GRID2: variants seen among roughly 807,000 people sequenced by gnomAD.
GRID2 encodes glutamate receptor ionotropic, delta-2.
In GRID2, 33 loss-of-function variants were observed where a neutral mutation model predicts 114.8. The observed-to-expected ratio is 0.29, with a 90% confidence interval of 0.22 to 0.38. The LOEUF (loss-of-function observed/expected upper bound fraction) is 0.38, where lower values mean the gene tolerates loss of function less well. Among genes scored for constraint, GRID2 ranks in the 10% least tolerant of loss-of-function variants. GRID2 has a pLI of 1.00. For missense variants in GRID2, 1,184 were observed against 1,257.7 expected, an observed-to-expected ratio of 0.94 and a Z score of 0.89; for synonymous variants, 505 against 449.9, an observed-to-expected ratio of 1.12 and a Z score of -1.55.
intron 13 of GRID2, among the ~76,000 whole-genome samples, chr4:93,550,337 T>G (rs1324526634): frequency 2.0e-5 from 3 of 152,190 alleles, no homozygotes; most frequent in Admixed American, 2.0e-4. Context: ...AGTTTAATAA[T>G]CTGGTAGATC....
intron 2 of GRID2, among the ~76,000 whole-genome samples, chr4:92,952,107 T>A (rs1360757980): frequency 6.6e-6 from 1 of 152,192 alleles, no homozygotes; most frequent in East Asian, 1.9e-4. Flanking sequence ...AATGCATTCA[T>A]ATTTTGCCAA....
intron 2 of GRID2, among the ~76,000 whole-genome samples, chr4:92,842,006 T>C (rs1742933674): frequency 6.6e-6 from 1 of 152,124 alleles, no homozygotes; most frequent in Non-Finnish European, 1.5e-5. Context: ...CTGGAGAAGT[T>C]ACTACCAAAT....
At chr4:92,623,393 A>C (rs1338953763) in intron 2 of GRID2, among the ~76,000 whole-genome samples, 2 of 151,646 alleles carry the variant, frequency 1.3e-5, no homozygotes, top group Non-Finnish European at 3.0e-5. Flanking sequence ...ACCATCAAAA[A>C]AATCACTCTC....
chr4:92,784,013 T>A (rs1242761175), intron 2 of GRID2, among the ~76,000 whole-genome samples: 1 of 152,086 alleles, frequency 6.6e-6, no homozygotes, highest in Non-Finnish European at 1.5e-5. Context: ...TCCTTTCATA[T>A]GTTCTTAATA....
intron 14 of GRID2, among the ~76,000 whole-genome samples, chr4:93,678,587 A>G (rs1286345344): frequency 1.3e-5 from 2 of 152,194 alleles, no homozygotes; most frequent in Non-Finnish European, 2.9e-5. Flanking sequence ...TCTCAGCAGA[A>G]ACTCTACAAG....
chr4:92,543,864 C>T (rs887665605), intron 1 of GRID2, among the ~76,000 whole-genome samples: 1 of 152,116 alleles, frequency 6.6e-6, no homozygotes, highest in Non-Finnish European at 1.5e-5. Flanking sequence ...CAGTTATTAT[C>T]AGAGGGAAGC....
At chr4:92,416,128 G>T (rs1258146781) in intron 1 of GRID2, among the ~76,000 whole-genome samples, 1 of 151,826 alleles carries the variant, frequency 6.6e-6, no homozygotes, top group Non-Finnish European at 1.5e-5. Flanking sequence ...TCTCATTGCG[G>T]TTTTAATTTA....
intron 2 of GRID2, among the ~76,000 whole-genome samples, chr4:93,047,878 AC>A (rs1295012774): frequency 2.1e-5 from 3 of 145,362 alleles, no homozygotes; most frequent in African/African-American, 8.1e-5. Context: ...AAACAAACAA[AC>A]AAACAAAAAA....
intron 4 of GRID2, among the ~76,000 whole-genome samples, chr4:93,128,674 GA>G (rs879558667): frequency 3.1e-4 from 47 of 149,464 alleles, no homozygotes; most frequent in Middle Eastern, 3.4e-3. Context: ...GGAAACTTGG[GA>G]AACCTGAGGT....
chr4:92,395,509 A>C (rs1196923333), intron 1 of GRID2, among the ~76,000 whole-genome samples: 4 of 151,778 alleles, frequency 2.6e-5, no homozygotes, highest in Non-Finnish European at 5.9e-5. Flanking sequence ...TGGTTTATAT[A>C]AGAGCACCAA....
rs556775278 is a variant in GRID2 at position 92,592,222 on chromosome 4, G to A, written c.244+1936G>A. Among the ~76,000 whole-genome samples, 76 of 152,008 alleles carry A rather than the reference G, an allele frequency of 5.0e-4. No homozygotes were observed. In the South Asian group the frequency reaches 8.1e-3, roughly 16 times the overall value. On this transcript the variant is annotated intron_variant, in intron 2 of 15. Transcript: ENST00000282020. The stretch of plus-strand genomic sequence containing the variant: ...GGACCAGAATGTGAGCAGGAAAAAC[G>A]TGAGGACTGATTTCTTTCTTTATCT...
At chr4:92,736,789 C>T (rs1736620284) in intron 2 of GRID2, among the ~76,000 whole-genome samples, 1 of 151,988 alleles carries the variant, frequency 6.6e-6, no homozygotes, top group Non-Finnish European at 1.5e-5. Flanking sequence ...AAGTGGGCCA[C>T]CTCTTACAAA....
chr4:93,259,000 G>A (rs1257569591), intron 8 of GRID2: 1 of 426,828 alleles, frequency 2.3e-6, no homozygotes, highest in South Asian at 1.7e-5. Flanking sequence ...AGGCAGCGAA[G>A]TCAGGAAAAT....
intron 2 of GRID2, among the ~76,000 whole-genome samples, chr4:92,719,676 A>G (rs1735718537): frequency 6.6e-6 from 1 of 152,154 alleles, no homozygotes; most frequent in South Asian, 2.1e-4. Context: ...TTCTAAACAA[A>G]GAGGACGTCA....
At chr4:93,473,478 T>C (rs1225253734) in intron 11 of GRID2, among the ~76,000 whole-genome samples, 1 of 152,148 alleles carries the variant, frequency 6.6e-6, no homozygotes, top group East Asian at 1.9e-4. Context: ...TGTGTCCCAC[T>C]AGATATTGAG....
intron 1 of GRID2, among the ~76,000 whole-genome samples, chr4:92,409,806 A>T (rs1419049197): frequency 1.3e-5 from 2 of 151,940 alleles, no homozygotes; most frequent in Non-Finnish European, 1.5e-5. Context: ...GAGGAAAGAG[A>T]GTTACAATGT....
chr4:92,308,674 C>G (rs1195267825), intron 1 of GRID2, among the ~76,000 whole-genome samples: 2 of 151,622 alleles, frequency 1.3e-5, no homozygotes, highest in Non-Finnish European at 2.9e-5. Context: ...TACTTCTGCA[C>G]TAAGGATTAT....
chr4:92,893,938 C>T (rs1046155564), intron 2 of GRID2, among the ~76,000 whole-genome samples: 1 of 152,084 alleles, frequency 6.6e-6, no homozygotes, highest in Admixed American at 6.6e-5. Context: ...GAAAATGGAT[C>T]CTTCAGTGTC....
chr4:93,664,323 G>A (rs534273736), intron 14 of GRID2, among the ~76,000 whole-genome samples: 1 of 152,316 alleles, frequency 6.6e-6, no homozygotes, highest in South Asian at 2.1e-4. Flanking sequence ...GCACTACAAA[G>A]TTTTGAGCAG....
Sources: allele counts gnomAD v4.1 joint callset (sites outside exome capture counted in the v4.1 genomes callset), GRCh38; gene constraint gnomAD v4.1.1; transcripts MANE v1.5; gene names NCBI Gene and HGNC (gene_info 2026-07-23, HGNC 2026-07-21).